SCAF11: variants seen among roughly 807,000 people sequenced by gnomAD.
SCAF11 encodes the protein SR-related CTD associated factor 11, also known as protein SCAF11.
SCAF11 carries 47 observed loss-of-function variants against 140.5 expected under a neutral mutation model. The ratio of observed to expected loss-of-function variants is 0.33; its 90% CI spans 0.26 to 0.43. The LOEUF (loss-of-function observed/expected upper bound fraction) is 0.43. SCAF11 is among the 20% of genes least tolerant of loss of function. The pLI is 1.00. For synonymous variants in SCAF11, 557 were observed against 579.4 expected, an observed-to-expected ratio of 0.96 and a Z score of 0.55; for missense variants, 1,645 against 1,705.1, an observed-to-expected ratio of 0.96 and a Z score of 0.62.
chr12:45,978,820 C>A (rs1378845641), intron 1 of SCAF11, among the ~76,000 whole-genome samples: 1 of 152,092 alleles, frequency 6.6e-6, no homozygotes, highest in Non-Finnish European at 1.5e-5. Flanking sequence ...TTGTGTAGGG[C>A]ACAGAAAATA....
intron 6 of SCAF11, among the ~76,000 whole-genome samples, chr12:45,934,769 G>A (rs1945132228): frequency 6.6e-6 from 1 of 152,194 alleles, no homozygotes; most frequent in African/African-American, 2.4e-5. Flanking sequence ...CAACATATGA[G>A]TTAAAATTCT....
At chr12:45,977,505 G>A (rs1320472286) in intron 1 of SCAF11, among the ~76,000 whole-genome samples, 1 of 152,038 alleles carries the variant, frequency 6.6e-6, no homozygotes, top group East Asian at 1.9e-4. Flanking sequence ...TGGTAATACA[G>A]ATCTATACAT....
intron 3 of SCAF11, chr12:45,956,231 A>G (rs777469576): frequency 5.6e-5 from 40 of 709,100 alleles, no homozygotes; most frequent in Non-Finnish European, 9.7e-5. Flanking sequence ...CAAGTGCTTA[A>G]AGACTAAATC....
At chr12:45,971,543 G>A (rs1030901831) in intron 1 of SCAF11, among the ~76,000 whole-genome samples, 2 of 152,126 alleles carry the variant, frequency 1.3e-5, no homozygotes, top group African/African-American at 2.4e-5. Context: ...CCCCTGGCCT[G>A]GGATTAATAA....
intron 1 of SCAF11, among the ~76,000 whole-genome samples, chr12:45,973,197 A>G (rs1015692132): frequency 1.3e-5 from 2 of 151,430 alleles, no homozygotes; most frequent in Non-Finnish European, 2.9e-5. Flanking sequence ...CAACAGAAGA[A>G]TGGAAATAAA....
chr12:45,934,660 T>C (rs962720143), intron 6 of SCAF11, 155 bp from the exon 7 acceptor site: 12 of 478,664 alleles, frequency 2.5e-5, no homozygotes, highest in African/African-American at 2.2e-4. Flanking sequence ...TTTTCCCAAA[T>C]GCTGATTTCA....
chr12:45,933,988 CA>C (rs900210770), intron 8 of SCAF11, among the ~76,000 whole-genome samples, 187 bp downstream of exon 8: 4 of 151,920 alleles, frequency 2.6e-5, no homozygotes, highest in Non-Finnish European at 5.9e-5. Context: ...GAGAAGCTCC[CA>C]AAATTAACAG....
At chr12:45,937,480 A>G (rs957421021) in intron 6 of SCAF11, among the ~76,000 whole-genome samples, 7 of 152,180 alleles carry the variant, frequency 4.6e-5, no homozygotes, top group Non-Finnish European at 5.9e-5. Context: ...TTTTCCTCAA[A>G]CATCTGGAGA....
Position 45,931,568 on chromosome 12 carries a change from AG to A in SCAF11, c.778del (p.Leu260SerfsTer30). 6.5e-7 allele frequency: 1 copy of A among 1,533,706 alleles called. No homozygotes were observed. Among genetic ancestry groups the A allele is most frequent in the Non-Finnish European group, 8.7e-7 (1 of 1,147,472 alleles). ...AGTTCTTGGCAACACAGAAGAAATG[AG>A]AGGAAGGACTTCTGTTTCAACATTC... ...PWNVETEVLP[L>X]ISSVLPRTIF... On this transcript the variant is annotated frameshift_variant, in exon 10 of 15. Coordinates refer to ENST00000369367, the MANE Select transcript of SCAF11 (RefSeq NM_004719.3). LOFTEE classifies it high-confidence loss of function.
intron 3 of SCAF11, among the ~76,000 whole-genome samples, chr12:45,957,610 G>A (rs7298703): frequency 6.6e-6 from 1 of 151,866 alleles, no homozygotes; most frequent in South Asian, 2.1e-4. Flanking sequence ...ATACAAAATG[G>A]GTGATTTTGT....
chr12:45,943,711 G>C (rs907299424), intron 6 of SCAF11, among the ~76,000 whole-genome samples: 1 of 152,054 alleles, frequency 6.6e-6, no homozygotes, highest in Admixed American at 6.6e-5. Flanking sequence ...AATTACCTCA[G>C]CATCAGCACT....
chr12:45,920,113 T>TA lies in SCAF11; in HGVS notation c.*1934dup, dbSNP rs1043712252. On this transcript the variant is annotated 3_prime_UTR_variant, in exon 15 of 15. Coordinates refer to ENST00000369367, the MANE Select transcript of SCAF11 (RefSeq NM_004719.3). ...TTTACCATAATCTAAACGCAAACTT[T>TA]AAAAATATATACCAGTAGAATACCA... is the stretch of plus-strand genomic sequence containing the variant. 2 of 152,164 alleles carry TA rather than the reference T, an allele frequency of 1.3e-5. No homozygotes were observed. The highest frequency in any genetic ancestry group is 4.8e-5 in the African/African-American group (2 of 41,444). The allele number at this position is 152,164 out of a possible 1,614,324, so 9.4% of individuals were successfully genotyped here.
At position 45,920,629 on chromosome 12, in the gene SCAF11, C is replaced by T. The variant is rs1311357569; in HGVS notation, c.*1419G>A. On this transcript the variant is annotated 3_prime_UTR_variant, in exon 15 of 15. Transcript: ENST00000369367. The stretch of plus-strand genomic sequence containing the variant: ...AGAGAAAAAAAAAAAAACCCAAATC[C>T]CTAATCCCTGAAAGGCTAACCAGGA... 6.6e-6 allele frequency: 1 copy of T among 152,192 alleles called. No individual in the cohort carries two copies. The highest frequency in any genetic ancestry group is 1.5e-5 in the Non-Finnish European group (1 of 67,926). 9.4% of individuals were successfully genotyped at this position (152,192 alleles called of 1,614,324 possible).
chr12:45,930,012 ATG>A (rs1352969442), intron 10 of SCAF11: 8 of 152,226 alleles, frequency 5.3e-5, no homozygotes, highest in African/African-American at 1.4e-4. Context: ...TTTTTATGTT[ATG>A]TGTTACATAC....
intron 3 of SCAF11, among the ~76,000 whole-genome samples, chr12:45,957,236 T>G (rs1325274786): frequency 1.3e-5 from 2 of 152,170 alleles, no homozygotes; most frequent in Non-Finnish European, 2.9e-5. Context: ...AATTAGAATT[T>G]GAGGAAAAAT....
At chr12:45,984,798 G>A (rs535980346) in intron 1 of SCAF11, among the ~76,000 whole-genome samples, 88 of 151,608 alleles carry the variant, frequency 5.8e-4, no homozygotes, top group African/African-American at 2.1e-3. Flanking sequence ...AGGTTCAAGC[G>A]ATTCTTGTGC....
chr12:45,946,450 T>C (rs1463483595), intron 5 of SCAF11, among the ~76,000 whole-genome samples: 1 of 152,218 alleles, frequency 6.6e-6, no homozygotes, highest in Admixed American at 6.5e-5. Context: ...AAGCTATGCC[T>C]TGGTGGGCAA....
At chr12:45,925,546 T>G (rs1225344382) in intron 11 of SCAF11, among the ~76,000 whole-genome samples, 2 of 151,698 alleles carry the variant, frequency 1.3e-5, no homozygotes, top group African/African-American at 4.9e-5. Flanking sequence ...AGAAACTCCA[T>G]CTCAAAAAAC....
At chr12:45,972,939 GATATATAT>G (rs1170160802) in intron 1 of SCAF11, among the ~76,000 whole-genome samples, 1 of 9,050 alleles carries the variant, frequency 1.1e-4, no homozygotes, top group African/African-American at 4.7e-4. Context: ...GATATATATA[GATATATAT>G]ATAGATATAT....
Sources: gnomAD v4.1 joint callset for allele counts (sites outside exome capture counted in the v4.1 genomes callset) on GRCh38, gnomAD v4.1.1 for gene constraint, MANE v1.5 for transcripts, NCBI Gene and HGNC (gene_info 2026-07-23, HGNC 2026-07-21) for gene names.